HADH: variants seen among roughly 807,000 people sequenced by gnomAD.
HADH encodes hydroxyacyl-CoA dehydrogenase, also known as hydroxyacyl-coenzyme A dehydrogenase, mitochondrial.
In HADH, 24 loss-of-function variants were observed where a neutral mutation model predicts 32.2. The observed-to-expected ratio is 0.75, with a 90% confidence interval of 0.54 to 1.05. HADH has a LOEUF of 1.05. HADH is among the 50% of genes least tolerant of loss of function. The probability of loss-of-function intolerance (pLI) is 0.00; values close to 1 mark genes in which losing one functional copy is unlikely to be tolerated. For synonymous variants in HADH, 139 were observed against 152.5 expected, an observed-to-expected ratio of 0.91 and a Z score of 0.65; for missense variants, 350 against 397.1, an observed-to-expected ratio of 0.88 and a Z score of 1.01.
chr4:108,022,146 C>G (rs915475684), intron 4 of HADH, among the ~76,000 whole-genome samples: 40 of 145,452 alleles, frequency 2.8e-4, no homozygotes, highest in Non-Finnish European at 4.6e-4. Flanking sequence ...CTTTACTGGC[C>G]TTTACATTTT....
intron 2 of HADH, among the ~76,000 whole-genome samples, chr4:108,013,227 G>A (rs1025222284): frequency 3.9e-5 from 6 of 152,190 alleles, no homozygotes; most frequent in Non-Finnish European, 5.9e-5. Flanking sequence ...CACTGCGCCC[G>A]GACCATCTGT....
intron 1 of HADH, among the ~76,000 whole-genome samples, chr4:108,007,321 A>G (rs1005201080): frequency 3.3e-5 from 5 of 152,034 alleles, no homozygotes; most frequent in Admixed American, 1.3e-4. Context: ...GTTAGCCAGG[A>G]TGGTCTTGAT....
At position 107,990,077 on chromosome 4, in the gene HADH, C is replaced by T; in HGVS notation, c.132+13C>T. On this transcript the variant is annotated intron_variant, in intron 1 of 7. Transcript: ENST00000309522. ...CGGCATTGCCCAGGTGAGCGGCCCT[C>T]CCTGCAGCGTGCCCACGCGCTTGGC... 3.7e-6 allele frequency: 6 copies of T among 1,602,450 alleles called. No individual in the cohort carries two copies. The highest frequency in any genetic ancestry group is 5.1e-6 in the Non-Finnish European group (6 of 1,175,868).
chr4:108,003,152 G>A (rs1735172404), intron 1 of HADH, among the ~76,000 whole-genome samples: 1 of 142,130 alleles, frequency 7.0e-6, no homozygotes, highest in South Asian at 2.2e-4. Context: ...ACCTGAGACT[G>A]GGTAATTTAT....
At chr4:107,994,288 G>C (rs1734894908) in intron 1 of HADH, among the ~76,000 whole-genome samples, 1 of 151,828 alleles carries the variant, frequency 6.6e-6, no homozygotes, top group Non-Finnish European at 1.5e-5. Flanking sequence ...TTTCTAGAGA[G>C]AGCTTCTTTG....
chr4:108,007,006 G>T (rs752858228), intron 1 of HADH, among the ~76,000 whole-genome samples: 22 of 152,194 alleles, frequency 1.4e-4, no homozygotes, highest in Non-Finnish European at 2.8e-4. Context: ...GGAAAACGCA[G>T]ATTATGAACC....
At chr4:108,023,146 A>G (rs752278052) in intron 4 of HADH, among the ~76,000 whole-genome samples, 8 of 152,052 alleles carry the variant, frequency 5.3e-5, no homozygotes, top group African/African-American at 7.2e-5. Context: ...GGCACATGCC[A>G]CCATGCCCAA....
chr4:107,997,480 T>C (rs1263363387), intron 1 of HADH, among the ~76,000 whole-genome samples: 2 of 152,092 alleles, frequency 1.3e-5, no homozygotes. Flanking sequence ...TGCTTCTGCT[T>C]GGCATGTTTA....
chr4:108,016,426 A>G (rs568503580), intron 3 of HADH, among the ~76,000 whole-genome samples: 1 of 152,262 alleles, frequency 6.6e-6, no homozygotes, highest in East Asian at 1.9e-4. Context: ...CATCACTGCC[A>G]ATCAGTGTCC....
chr4:108,033,856 A>G (rs1269092472), intron 7 of HADH, among the ~76,000 whole-genome samples: 1 of 152,262 alleles, frequency 6.6e-6, no homozygotes, highest in Non-Finnish European at 1.5e-5. Context: ...CAAAATACCA[A>G]TGGCAGGAAT....
At chr4:108,027,845 G>C in intron 6 of HADH, 85 bp downstream of exon 6, 1 of 829,842 alleles carries the variant, frequency 1.2e-6, no homozygotes, top group Non-Finnish European at 2.1e-6. Context: ...AGGAGGGGTC[G>C]GGCCGTGCAC....
In HADH at chr4:108,017,932, A is replaced by C. The variant is rs571044181; in HGVS notation, c.420-1608A>C. Among the ~76,000 whole-genome samples the C allele has an allele frequency of 1.4e-4, 22 of 152,280 alleles. No individual in the cohort carries two copies. In the South Asian group the frequency reaches 4.6e-3, roughly 32 times the overall value. ...GACAGTGTGAGACTTTTAGGAACAA[A>C]GTCAGCCTGACCCTGTTGGGAGAGG... On this transcript the variant is annotated intron_variant, in intron 3 of 7. Transcript: ENST00000309522.
intron 3 of HADH, 147 bp from the exon 4 acceptor site, chr4:108,019,393 G>A (rs1335974578): frequency 1.6e-5 from 12 of 751,598 alleles, no homozygotes; most frequent in Non-Finnish European, 2.7e-5. Context: ...CCTCTTATAT[G>A]AAGATGTGTC....
chr4:108,028,104 A>G, intron 6 of HADH: 1 of 358,214 alleles, frequency 2.8e-6, no homozygotes, highest in Non-Finnish European at 5.2e-6. Context: ...TAATGTAAAA[A>G]TCACTAGGCT....
At chr4:108,032,971 G>A in intron 6 of HADH, 1 of 571,778 alleles carries the variant, frequency 1.7e-6, no homozygotes. Flanking sequence ...GACAGAGCAA[G>A]ACTCTGTCTC....
chr4:108,022,241 G>A (rs1413759850), intron 4 of HADH, among the ~76,000 whole-genome samples: 16 of 145,444 alleles, frequency 1.1e-4, no homozygotes, highest in East Asian at 8.2e-4. Flanking sequence ...GAATGAATGA[G>A]TGAATAAACA....
chr4:107,994,636 G>T (rs1734903036), intron 1 of HADH, among the ~76,000 whole-genome samples: 1 of 152,174 alleles, frequency 6.6e-6, no homozygotes, highest in Admixed American at 6.5e-5. Flanking sequence ...CTGGCTGTAA[G>T]CTCTCCTTTT....
At chr4:107,999,061 A>G (rs1365820672) in intron 1 of HADH, among the ~76,000 whole-genome samples, 2 of 152,234 alleles carry the variant, frequency 1.3e-5, no homozygotes, top group African/African-American at 4.8e-5. Flanking sequence ...TTGAGAAGCT[A>G]GGTGTGTTAG....
At position 108,014,561 on chromosome 4, in the gene HADH, T is replaced by A; in HGVS notation, c.392T>A (p.Phe131Tyr). 6.2e-7 allele frequency: 1 copy of A among 1,613,550 alleles called. No individual in the cohort carries two copies. The highest frequency in any genetic ancestry group is 8.5e-7 in the Non-Finnish European group (1 of 1,179,936). The change falls in exon 3 of 8, where the codon TTC becomes TAC. Residue 131 changes from phenylalanine (F) to tyrosine (Y), a missense_variant. Phe to Tyr is a conservative substitution (Grantham distance 22). Transcript: ENST00000309522. ...AATCTGAAGGTGAAAAACGAGCTCT[T>A]CAAAAGGCTGGACAAGTTTGCTGCT... ...VENLKVKNEL[F>Y]KRLDKFAAEH...
Sources: allele counts gnomAD v4.1 joint callset (sites outside exome capture counted in the v4.1 genomes callset), GRCh38; gene constraint gnomAD v4.1.1; transcripts MANE v1.5; gene names NCBI Gene and HGNC (gene_info 2026-07-23, HGNC 2026-07-21).